Variants in LAMA3 observed in about 807,000 individuals in gnomAD.
The protein encoded by LAMA3 is laminin subunit alpha 3, also known as laminin subunit alpha-3.
LAMA3 carries 281 observed loss-of-function variants against 402.0 expected under a neutral mutation model. The observed-to-expected ratio is 0.70, with a 90% CI of 0.63 to 0.77. The LOEUF (loss-of-function observed/expected upper bound fraction) is 0.77. Among genes scored for constraint, LAMA3 ranks in the 30% least tolerant of loss-of-function variants. LAMA3 has a pLI of 0.00. For missense variants in LAMA3, 3,840 were observed against 4,215.5 expected (o/e 0.91, Z 2.47); for synonymous variants, 1,431 against 1,558.4 (o/e 0.92, Z 1.93).
chr18:23,818,644 T>G (rs1414495077), intron 18 of LAMA3, among the ~76,000 whole-genome samples: 1 of 152,220 alleles, frequency 6.6e-6, no homozygotes, highest in Non-Finnish European at 1.5e-5. Flanking sequence ...GTGAACAAAT[T>G]TTAATAAATT....
intron 60 of LAMA3, among the ~76,000 whole-genome samples, chr18:23,919,582 G>A (rs2081758768): frequency 6.6e-6 from 1 of 152,244 alleles, no homozygotes; most frequent in African/African-American, 2.4e-5. Flanking sequence ...TTGAGCAAAG[G>A]AAATGCTTCC....
In LAMA3 at chr18:23,901,188, C is replaced by A; in HGVS notation, c.6066C>A (p.Asn2022Lys). The change falls in exon 48 of 75, where the codon AAC becomes AAA. Residue 2022 changes from asparagine to lysine, a missense_variant. Asn to Lys is a moderately conservative substitution (Grantham distance 94). Around this residue, in one of 3 missense-constraint regions of LAMA3, gnomAD observed 891 missense variants for 857.5 expected, o/e 1.04. Coordinates refer to ENST00000313654, the MANE Select transcript of LAMA3 (RefSeq NM_198129.4). The stretch of plus-strand genomic sequence containing the variant: ...AGGGGGAGAACAATGGGCTTGCTAA[C>A]AGTATCCGGGATTCTTTAAATGAAT... ...THQGENNGLA[N>K]SIRDSLNEYE... 6.2e-7 allele frequency: 1 copy of A among 1,614,164 alleles called. No homozygotes were observed. Among genetic ancestry groups the A allele is most frequent in the Non-Finnish European group, 8.5e-7 (1 of 1,180,010 alleles).
chr18:23,770,379 A>AC (rs2062168754), intron 8 of LAMA3, among the ~76,000 whole-genome samples: 1 of 137,482 alleles, frequency 7.3e-6, no homozygotes, highest in Non-Finnish European at 1.5e-5. Flanking sequence ...CAGCTCAGTT[A>AC]TAAAAAAAAA....
chr18:23,758,372 G>GATGC (rs774855643), intron 6 of LAMA3, 24 bp from the exon 7 acceptor site: 2 of 1,580,692 alleles, frequency 1.3e-6, no homozygotes, highest in Admixed American at 3.4e-5. Flanking sequence ...CAATAACTGA[G>GATGC]ATGCACTTCG....
chr18:23,847,911 C>T (rs996898627), intron 32 of LAMA3, among the ~76,000 whole-genome samples: 3 of 152,254 alleles, frequency 2.0e-5, no homozygotes, highest in Admixed American at 6.5e-5. Context: ...CAGCCTTGCC[C>T]ATTGACTCCA....
At chr18:23,886,575 G>A (rs1414265498) in intron 41 of LAMA3, among the ~76,000 whole-genome samples, 4 of 151,918 alleles carry the variant, frequency 2.6e-5, no homozygotes, top group African/African-American at 7.3e-5. Flanking sequence ...CCAGGAGTTC[G>A]AGGCTGCAGT....
chr18:23,745,405 G>A (rs1168021607), intron 2 of LAMA3, among the ~76,000 whole-genome samples: 1 of 152,150 alleles, frequency 6.6e-6, no homozygotes, highest in Non-Finnish European at 1.5e-5. Context: ...TAACACTTGA[G>A]ATATATCATA....
At chr18:23,724,521 G>A (rs2061265892) in intron 2 of LAMA3, among the ~76,000 whole-genome samples, 1 of 152,002 alleles carries the variant, frequency 6.6e-6, no homozygotes, top group Non-Finnish European at 1.5e-5. Context: ...GCTTCTGACT[G>A]TTTTGTCTCA....
At chr18:23,943,694 G>T (rs2082605352) in intron 68 of LAMA3, 94 bp from the exon 69 acceptor site, 1 of 1,124,944 alleles carries the variant, frequency 8.9e-7, no homozygotes, top group African/African-American at 1.5e-5. Context: ...AAAAATGGGG[G>T]TTGGGTGTTT....
intron 1 of LAMA3, among the ~76,000 whole-genome samples, chr18:23,690,309 CGTCCCGCCAGGCTTGA>C (rs1277566057): frequency 1.3e-5 from 2 of 152,228 alleles, no homozygotes; most frequent in Admixed American, 6.5e-5. Flanking sequence ...ACCCACGGAG[CGTCCCGCCAGGCTTGA>C]GTCCTCGAGG....
Position 23,915,406 on chromosome 18 carries a change from G to A in LAMA3, c.7762G>A (p.Val2588Met). The A allele has an allele frequency of 1.2e-6, 2 of 1,613,878 alleles. No homozygotes were observed. The highest frequency in any genetic ancestry group is 1.7e-6 in the Non-Finnish European group (2 of 1,179,910). ...KKTFNLNTTE[V>M]EPCRRRKEES... Reference sequence around the variant, plus strand: ...AACATTCAATCTCAACACAACTGAAGTGGAGCCTTGTAGAAGGTAAATAAA... The same window carrying A: ...AACATTCAATCTCAACACAACTGAAATGGAGCCTTGTAGAAGGTAAATAAA... Residue 2588 changes from valine to methionine, a missense_variant, in exon 59 of 75, where the codon GTG (valine) becomes ATG (methionine). Val to Met is a conservative substitution (Grantham distance 21). Coordinates refer to ENST00000313654, the MANE Select transcript of LAMA3 (RefSeq NM_198129.4).
At chr18:23,952,683 A>G (rs1380390568) in intron 73 of LAMA3, among the ~76,000 whole-genome samples, 2 of 152,196 alleles carry the variant, frequency 1.3e-5, no homozygotes, top group Non-Finnish European at 2.9e-5. Context: ...ACCAGAGCTT[A>G]AATCCCAACT....
chr18:23,733,280 G>C (rs1019155086), intron 2 of LAMA3, among the ~76,000 whole-genome samples: 1 of 152,162 alleles, frequency 6.6e-6, no homozygotes, highest in African/African-American at 2.4e-5. Flanking sequence ...CCGTTTTCAT[G>C]CTGCTGATAA....
At chr18:23,775,947 A>G (rs755814049) in intron 10 of LAMA3, 24 bp downstream of exon 10, 1 of 1,614,050 alleles carries the variant, frequency 6.2e-7, no homozygotes, top group Admixed American at 1.7e-5. Context: ...GCAGAACAAG[A>G]GGCCACCCTT....
At chr18:23,787,447 A>G (rs2144043069) in intron 12 of LAMA3, among the ~76,000 whole-genome samples, 1 of 152,370 alleles carries the variant, frequency 6.6e-6, no homozygotes, top group South Asian at 2.1e-4. Flanking sequence ...AGCCATCTAT[A>G]CAGCTAAGAA....
intron 1 of LAMA3, among the ~76,000 whole-genome samples, chr18:23,690,997 T>C (rs2060577937): frequency 6.6e-6 from 1 of 151,912 alleles, no homozygotes; most frequent in African/African-American, 2.4e-5. Flanking sequence ...CCTTCTGTCT[T>C]GACCTCCCAA....
At chr18:23,932,459 C>A (rs1202714743) in intron 66 of LAMA3, 168 bp downstream of exon 66, 7 of 712,386 alleles carry the variant, frequency 9.8e-6, no homozygotes, top group African/African-American at 7.2e-5. Context: ...CATTAAAAAA[C>A]CCATAAAAAA....
intron 62 of LAMA3, 67 bp downstream of exon 62, chr18:23,921,652 A>T: frequency 4.6e-6 from 7 of 1,533,570 alleles, no homozygotes; most frequent in Non-Finnish European, 6.3e-6. Flanking sequence ...ACCAAAAAAA[A>T]TCTGGTCTGC....
intron 1 of LAMA3, among the ~76,000 whole-genome samples, chr18:23,706,194 A>C (rs1369205156): frequency 6.6e-6 from 1 of 152,174 alleles, no homozygotes; most frequent in Non-Finnish European, 1.5e-5. Flanking sequence ...AATTGTGTGA[A>C]TATACCACTG....
Sources: allele counts gnomAD v4.1 joint callset (sites outside exome capture counted in the v4.1 genomes callset), GRCh38; gene constraint gnomAD v4.1.1; regional missense constraint gnomAD v4.1.1; transcripts MANE v1.5; gene names NCBI Gene and HGNC (gene_info 2026-07-23, HGNC 2026-07-21).